The following CEP78 variants were observed in gnomAD, a reference collection of about 807,000 sequenced individuals.
CEP78 encodes the protein centrosomal protein of 78 kDa.
A neutral mutation model predicts 81.2 loss-of-function variants in CEP78; 76 were observed. The ratio of observed to expected loss-of-function variants is 0.94; its 90% CI spans 0.78 to 1.13. The LOEUF (loss-of-function observed/expected upper bound fraction) is 1.13, where lower values mean the gene tolerates loss of function less well. CEP78 is among the 50% of genes most tolerant of loss of function. The pLI is 0.00. For synonymous variants in CEP78, 293 were observed against 301.4 expected (o/e 0.97, Z 0.29); for missense variants, 918 against 846.8 (o/e 1.08, Z -1.04).
At position 78,273,306 on chromosome 9, in the gene CEP78, A is replaced by G. The variant is rs548752120; in HGVS notation, c.*2455A>G. The G allele has an allele frequency of 6.6e-6, 1 of 152,364 alleles. No homozygotes were observed. The highest frequency in any genetic ancestry group is 6.5e-5 in the Admixed American group (1 of 15,306). 9.4% of individuals were successfully genotyped at this position (152,364 alleles called of 1,614,324 possible). On this transcript the variant is annotated 3_prime_UTR_variant, in exon 17 of 17. Transcript: ENST00000643273. ...AAAATATACCAGGCAGATGCTAAAG[A>G]GTAAATGTGGCTGTGTTAGCTGCAG...
rs1827859528 is a variant in CEP78 at position 78,279,192 on chromosome 9, A to G, written c.*8341A>G. ...AGTTGGTTTATTTAATGTGTTAGAA[A>G]GATGGTCCTCAAAGTCCTTGAAATG... On this transcript the variant is annotated 3_prime_UTR_variant, in exon 17 of 17. Coordinates refer to ENST00000643273, the MANE Select transcript of CEP78 (RefSeq NM_001330691.3). 6.6e-6 allele frequency: 1 copy of G among 152,190 alleles called. No homozygotes were observed. Among genetic ancestry groups the G allele is most frequent in the Non-Finnish European group, 1.5e-5 (1 of 68,036 alleles). 9.4% of individuals were successfully genotyped at this position (152,190 alleles called of 1,614,324 possible). A position where few individuals can be genotyped will look rare whatever the true frequency, so the allele number is the denominator to read the frequency against.
chr9:78,261,391 T>C (rs1263933323), intron 11 of CEP78, among the ~76,000 whole-genome samples: 1 of 152,114 alleles, frequency 6.6e-6, no homozygotes. Context: ...AACTTTTCCA[T>C]GGGTAGAAGG....
chr9:78,238,461 G>C (rs1160871259), intron 1 of CEP78, among the ~76,000 whole-genome samples: 2 of 152,212 alleles, frequency 1.3e-5, no homozygotes, highest in Non-Finnish European at 2.9e-5. Flanking sequence ...AGAAGATCCA[G>C]ATAATTGTAG....
At position 78,250,850 on chromosome 9, in the gene CEP78, A is replaced by G. The variant is rs115292621; in HGVS notation, c.1070-1058A>G. 3.9e-3 allele frequency among the ~76,000 whole-genome samples: 595 copies of G among 152,324 alleles called. 3 individuals carry two copies. The highest frequency in any genetic ancestry group is 0.013 in the African/African-American group (552 of 41,572). On this transcript the variant is annotated intron_variant, in intron 8 of 16. Coordinates refer to ENST00000643273, the MANE Select transcript of CEP78 (RefSeq NM_001330691.3). ...ACAGCACACAATGAACTGAGCTCCT[A>G]TATATTTATAAGACGTGTATAAATT...
intron 1 of CEP78, among the ~76,000 whole-genome samples, chr9:78,237,692 G>A (rs1826021030): frequency 6.6e-6 from 1 of 152,130 alleles, no homozygotes; most frequent in South Asian, 2.1e-4. Flanking sequence ...TTGGGAAACC[G>A]CTGTAGGATG....
In CEP78 at chr9:78,244,134, CTTTTTT is replaced by C. The variant is rs971743733; in HGVS notation, c.778+516_778+521del. Among the ~76,000 whole-genome samples the C allele has an allele frequency of 8.1e-5, 9 of 110,776 alleles. 1 individual carries two copies. The highest frequency in any genetic ancestry group is 6.5e-4 in the Admixed American group (7 of 10,698). 72.7% of individuals were successfully genotyped at this position (110,776 alleles called of 152,430 possible). A position where few individuals can be genotyped will look rare whatever the true frequency, so the allele number is the denominator to read the frequency against. On this transcript the variant is annotated intron_variant, in intron 5 of 16. Transcript: ENST00000643273. ...TACATCTCTGTGTCCATTGAAGTTA[CTTTTTT>C]TTTTTTTTTTTTTTTTTGAGACAGG...
At chr9:78,263,644 T>C (rs908532327) in intron 12 of CEP78, among the ~76,000 whole-genome samples, 17 of 152,284 alleles carry the variant, frequency 1.1e-4, no homozygotes, top group South Asian at 2.1e-4. Flanking sequence ...GTTAGACTTA[T>C]GTGTAGTATT....
chr9:78,236,376 G>T lies in CEP78; in HGVS notation c.26G>T (p.Arg9Leu). The change falls in exon 1 of 17, where the codon CGC (arginine) becomes CTC (leucine). Residue 9 changes from arginine (R) to leucine (L), a missense_variant. Transcript: ENST00000643273. ...ATGATCGACTCCGTGAAGCTGCGCC[G>T]CGACAGCGCGGCGGACTTCTTCTCC... MIDSVKLR[R>L]DSAADFFSHY... The T allele has an allele frequency of 6.3e-7, 1 of 1,586,642 alleles. No homozygotes were observed.
intron 16 of CEP78, among the ~76,000 whole-genome samples, chr9:78,268,537 A>T (rs1351481319): frequency 6.6e-6 from 1 of 152,134 alleles, no homozygotes; most frequent in East Asian, 1.9e-4. Context: ...AAGTGTGGAG[A>T]TCAGTTTTCC....
At chr9:78,252,200 A>C (rs772354402) in intron 9 of CEP78, among the ~76,000 whole-genome samples, 157 bp downstream of exon 9, 4 of 152,200 alleles carry the variant, frequency 2.6e-5, no homozygotes, top group Admixed American at 6.5e-5. Context: ...AAGAAAAACA[A>C]AAAATAATCC....
intron 5 of CEP78, among the ~76,000 whole-genome samples, chr9:78,244,474 A>G (rs896563895): frequency 1.3e-5 from 2 of 152,372 alleles, no homozygotes; most frequent in East Asian, 3.9e-4. Flanking sequence ...GTAACTCAGT[A>G]TAATGTATTT....
intron 3 of CEP78, 56 bp downstream of exon 3, chr9:78,240,420 A>G (rs936987120): frequency 1.7e-5 from 23 of 1,376,212 alleles, no homozygotes; most frequent in Non-Finnish European, 2.3e-5. Flanking sequence ...ATGTTTCCCT[A>G]CATGCCATGT....
Position 78,264,180 on chromosome 9 carries a change from A to G in CEP78, c.1489A>G (p.Ile497Val), listed in dbSNP as rs1042261424. The G allele has an allele frequency of 2.0e-6, 3 of 1,497,556 alleles. No individual in the cohort carries two copies. The Admixed American group carries it at 6.7e-5, about 33-fold the overall frequency. 92.8% of individuals were successfully genotyped at this position (1,497,556 alleles called of 1,614,324 possible). ...ACATGAAAATGCCCAGTTAAGAAAT[A>G]TAAATTTCTCTTTGTCTGAAGCCCT... Reference protein sequence around the residue: ...LEHENAQLRNINFSLSEALHA... With the variant: ...LEHENAQLRNVNFSLSEALHA... The change falls in exon 13 of 17, where the codon ATA becomes GTA. Residue 497 changes from isoleucine to valine, a missense_variant. Transcript: ENST00000643273.
At chr9:78,244,416 C>G (rs1826385847) in intron 5 of CEP78, among the ~76,000 whole-genome samples, 1 of 152,184 alleles carries the variant, frequency 6.6e-6, no homozygotes, top group African/African-American at 2.4e-5. Flanking sequence ...GCATGAGCCA[C>G]TGTGCCCAGC....
rs1827676918 is a variant in CEP78, at chr9:78,270,929, G to GTT, written c.*78_*79insTT. The GTT allele has an allele frequency of 1.6e-6, 1 of 641,056 alleles. No homozygotes were observed. Among genetic ancestry groups the GTT allele is most frequent in the African/African-American group, 1.9e-5 (1 of 53,700 alleles). The allele number at this position is 641,056 out of a possible 1,614,324, so 39.7% of individuals were successfully genotyped here. On this transcript the variant is annotated 3_prime_UTR_variant, in exon 17 of 17. Coordinates refer to ENST00000643273, the MANE Select transcript of CEP78 (RefSeq NM_001330691.3). ...AATTTGAACAGTGAAATTTCTGGAAGATAAGAAGCAGATGATTTAAGTACC... is the reference window on the plus strand; with the variant it reads ...AATTTGAACAGTGAAATTTCTGGAAGTTATAAGAAGCAGATGATTTAAGTACC...
In CEP78 at chr9:78,236,409, A is replaced by G; in HGVS notation, c.59A>G (p.Glu20Gly). ...GCGGCGGACTTCTTCTCCCACTACG[A>G]GTACCTGTGCGCGCTGCAGAACTCG... Reference protein sequence around the residue: ...DSAADFFSHYEYLCALQNSVP... With the variant: ...DSAADFFSHYGYLCALQNSVP... The change falls in exon 1 of 17, where the codon GAG becomes GGG. Residue 20 changes from glutamate to glycine, a missense_variant. Transcript: ENST00000643273. 2 of 1,598,420 alleles carry G rather than the reference A, an allele frequency of 1.3e-6. No homozygotes were observed. The highest frequency in any genetic ancestry group is 8.5e-7 in the Non-Finnish European group (1 of 1,173,160).
intron 9 of CEP78, 119 bp from the exon 10 acceptor site, chr9:78,253,113 T>A (rs1826841414): frequency 3.3e-6 from 2 of 612,988 alleles, no homozygotes. Flanking sequence ...GGAAGTGATT[T>A]ATCTCTATGC....
chr9:78,248,572 C>T (rs1463158682), intron 7 of CEP78, among the ~76,000 whole-genome samples, 190 bp from the exon 8 acceptor site: 1 of 152,142 alleles, frequency 6.6e-6, no homozygotes, highest in African/African-American at 2.4e-5. Flanking sequence ...TTTCTGCCAT[C>T]TTAAATTTAC....
chr9:78,269,538 G>A (rs1827644811), intron 16 of CEP78, among the ~76,000 whole-genome samples: 1 of 152,202 alleles, frequency 6.6e-6, no homozygotes, highest in Admixed American at 6.5e-5. Flanking sequence ...AGCAAAGAAA[G>A]GATTCTGAGA....
Sources: gnomAD v4.1 joint callset for allele counts (sites outside exome capture counted in the v4.1 genomes callset) on GRCh38, gnomAD v4.1.1 for gene constraint, MANE v1.5 for transcripts, NCBI Gene and HGNC (gene_info 2026-07-23, HGNC 2026-07-21) for gene names.